Variants in PRKG2 observed in about 807,000 individuals in gnomAD.
PRKG2 encodes the protein cGMP-dependent protein kinase 2.
In PRKG2, 33 loss-of-function variants were observed where a neutral mutation model predicts 97.2. That is an observed-to-expected ratio of 0.34 (90% CI 0.26 to 0.45). The LOEUF (loss-of-function observed/expected upper bound fraction) is 0.45. Ranked by LOEUF, PRKG2 falls within the 20% of genes least tolerant of loss-of-function variation. The probability of loss-of-function intolerance (pLI) is 1.00; values close to 1 mark genes in which losing one functional copy is unlikely to be tolerated. For synonymous variants in PRKG2, 330 were observed against 321.8 expected (o/e 1.03, Z -0.27); for missense variants, 638 against 900.0 (o/e 0.71, Z 3.73).
chr4:81,192,474 G>A (rs1752629082), intron 2 of PRKG2, among the ~76,000 whole-genome samples: 1 of 152,082 alleles, frequency 6.6e-6, no homozygotes, highest in South Asian at 2.1e-4. Context: ...GAAAATCTTA[G>A]GTTGAAATAT....
chr4:81,090,443 T>G (rs1321201897), intron 18 of PRKG2, among the ~76,000 whole-genome samples: 1 of 152,156 alleles, frequency 6.6e-6, no homozygotes, highest in African/African-American at 2.4e-5. Flanking sequence ...CTAGCGTTCT[T>G]CTTCCATTAT....
chr4:81,107,197 G>C (rs115224011), intron 15 of PRKG2, among the ~76,000 whole-genome samples: 1 of 152,272 alleles, frequency 6.6e-6, no homozygotes, highest in Non-Finnish European at 1.5e-5. Flanking sequence ...GGAATCAAGA[G>C]TTATGTTTTA....
intron 1 of PRKG2, among the ~76,000 whole-genome samples, chr4:81,213,118 G>A (rs1754092097): frequency 6.6e-6 from 1 of 152,174 alleles, no homozygotes; most frequent in African/African-American, 2.4e-5. Context: ...AGACAGTAAT[G>A]AGTCTGGATT....
intron 4 of PRKG2, 116 bp from the exon 5 acceptor site, chr4:81,169,884 G>T: frequency 1.6e-6 from 1 of 608,382 alleles, no homozygotes; most frequent in Non-Finnish European, 2.6e-6. Context: ...CTTGGAAAAT[G>T]TATTATTTAA....
At chr4:81,095,983 T>C (rs916162717) in intron 17 of PRKG2, among the ~76,000 whole-genome samples, 1 of 152,178 alleles carries the variant, frequency 6.6e-6, no homozygotes, top group Admixed American at 6.6e-5. Context: ...AAATACTTTA[T>C]TGCTAAAAAT....
chr4:81,147,113 T>G (rs1471542370), intron 9 of PRKG2, among the ~76,000 whole-genome samples: 1 of 152,226 alleles, frequency 6.6e-6, no homozygotes, highest in East Asian at 1.9e-4. Context: ...AACTAAACAT[T>G]TTAAAATTAT....
At chr4:81,156,457 T>G (rs1192106260) in intron 6 of PRKG2, among the ~76,000 whole-genome samples, 1 of 152,084 alleles carries the variant, frequency 6.6e-6, no homozygotes, top group East Asian at 1.9e-4. Context: ...GCAAAGAGAC[T>G]TAGACTCCCA....
At chr4:81,113,012 AAG>A (rs887705707) in intron 14 of PRKG2, among the ~76,000 whole-genome samples, 3 of 152,022 alleles carry the variant, frequency 2.0e-5, no homozygotes, top group Non-Finnish European at 4.4e-5. Flanking sequence ...TGAGGTAAGT[AAG>A]AGAGCTCTGT....
In PRKG2 at chr4:81,104,358, A is replaced by G. The variant is rs751557435; in HGVS notation, c.2126+12T>C. On this transcript the variant is annotated intron_variant, in intron 17 of 18. Transcript: ENST00000264399. ...TTTCTATATTTTTCTGGGCAAAGAAATAATTATGTACCTGTGTTTCTTAAT... is the reference window on the plus strand; with the variant it reads ...TTTCTATATTTTTCTGGGCAAAGAAGTAATTATGTACCTGTGTTTCTTAAT... 1 of 1,515,868 alleles carries G rather than the reference A, an allele frequency of 6.6e-7. No homozygotes were observed. The highest frequency in any genetic ancestry group is 2.0e-5 in the Admixed American group (1 of 50,836). 93.9% of individuals were successfully genotyped at this position (1,515,868 alleles called of 1,614,324 possible). A position where few individuals can be genotyped will look rare whatever the true frequency, so the allele number is the denominator to read the frequency against.
chr4:81,170,398 A>G (rs1296979942), intron 4 of PRKG2, among the ~76,000 whole-genome samples: 1 of 152,138 alleles, frequency 6.6e-6, no homozygotes, highest in Non-Finnish European at 1.5e-5. Flanking sequence ...TGGTGGCTCT[A>G]AAAAATCTAG....
chr4:81,101,005 G>A (rs372849361), intron 17 of PRKG2, among the ~76,000 whole-genome samples: 7 of 151,774 alleles, frequency 4.6e-5, no homozygotes, highest in African/African-American at 9.7e-5. Flanking sequence ...GCAAATCAAA[G>A]CCACAATGAG....
chr4:81,129,018 T>C (rs1364953622), intron 14 of PRKG2, among the ~76,000 whole-genome samples: 1 of 152,206 alleles, frequency 6.6e-6, no homozygotes, highest in Admixed American at 6.5e-5. Context: ...TGTTGTGTCT[T>C]TGTTCTCATT....
chr4:81,155,265 G>A (rs1223686759), intron 6 of PRKG2, among the ~76,000 whole-genome samples: 1 of 151,724 alleles, frequency 6.6e-6, no homozygotes, highest in Middle Eastern at 3.4e-3. Context: ...ACCAAGGCTC[G>A]AGAACTACGT....
chr4:81,137,330 C>CT, intron 13 of PRKG2, 63 bp downstream of exon 13: 1 of 1,206,244 alleles, frequency 8.3e-7, no homozygotes, highest in Non-Finnish European at 1.2e-6. Flanking sequence ...TCCTCTATGC[C>CT]TTTTTTAATG....
intron 1 of PRKG2, among the ~76,000 whole-genome samples, chr4:81,208,324 CAGGCAATTAATGTCTAG>C (rs1284770198): frequency 5.9e-5 from 9 of 152,132 alleles, no homozygotes; most frequent in Non-Finnish European, 1.0e-4. Context: ...TAACTAGAAA[CAGGCAATTAATGTCTAG>C]GTGTGAAGAA....
intron 14 of PRKG2, among the ~76,000 whole-genome samples, chr4:81,133,012 C>G (rs1166556164): frequency 6.6e-6 from 1 of 152,004 alleles, no homozygotes; most frequent in Admixed American, 6.6e-5. Context: ...CTTATGTTCC[C>G]TAGAACTTTA....
chr4:81,103,309 C>T (rs1307946561), intron 17 of PRKG2, among the ~76,000 whole-genome samples: 1 of 151,942 alleles, frequency 6.6e-6, no homozygotes, highest in Non-Finnish European at 1.5e-5. Context: ...TCCCTCCCCG[C>T]TCCCCCCACC....
chr4:81,105,613 T>C (rs1198197453), intron 16 of PRKG2, among the ~76,000 whole-genome samples, 200 bp downstream of exon 16: 3 of 152,146 alleles, frequency 2.0e-5, no homozygotes, highest in Non-Finnish European at 2.9e-5. Context: ...ACTTCATAAG[T>C]AGGTACTGTG....
At chr4:81,201,958 A>AT (rs1477115529) in intron 2 of PRKG2, among the ~76,000 whole-genome samples, 6 of 152,224 alleles carry the variant, frequency 3.9e-5, no homozygotes, top group Non-Finnish European at 8.8e-5. Flanking sequence ...CCATAAATTC[A>AT]GCCAGGATAC....
Sources: gnomAD v4.1 joint callset for allele counts (sites outside exome capture counted in the v4.1 genomes callset) on GRCh38, gnomAD v4.1.1 for gene constraint, MANE v1.5 for transcripts, NCBI Gene and HGNC (gene_info 2026-07-23, HGNC 2026-07-21) for gene names.